The following SNX2 variants were observed in gnomAD, a reference collection of about 807,000 sequenced individuals.
SNX2 encodes the protein sorting nexin-2.
SNX2 carries 25 observed loss-of-function variants against 69.9 expected under a neutral mutation model. That is an observed-to-expected ratio of 0.36 (90% CI 0.26 to 0.50). The LOEUF is 0.50. Ranked by LOEUF, SNX2 falls within the 20% of genes least tolerant of loss-of-function variation. The pLI, the probability that SNX2 is intolerant of heterozygous loss-of-function variation, is 0.97. For synonymous variants in SNX2, 229 were observed against 200.4 expected (o/e 1.14, Z -1.20); for missense variants, 551 against 613.3 (o/e 0.90, Z 1.07).
rs568799234 is a variant in SNX2, at chr5:122,823,630, T to A, written c.1213-2420T>A. ...AATTTTTACTGAACAGAGGAATTTA[T>A]AAATGAAGAAAAGATATGGCCCTGT... On this transcript the variant is annotated intron_variant, in intron 11 of 14. Transcript: ENST00000379516. Among the ~76,000 whole-genome samples, 10 of 152,316 alleles carry A rather than the reference T, an allele frequency of 6.6e-5. No homozygotes were observed. The East Asian group carries it at 1.9e-3, about 29-fold the overall frequency.
intron 1 of SNX2, among the ~76,000 whole-genome samples, chr5:122,790,758 A>G (rs183936637): frequency 1.3e-5 from 2 of 152,320 alleles, no homozygotes; most frequent in Non-Finnish European, 2.9e-5. Context: ...GGTAAGAGAG[A>G]AGTAGGACTT....
At chr5:122,815,804 T>C (rs2150014031) in intron 7 of SNX2, 92 bp from the exon 8 acceptor site, 1 of 622,556 alleles carries the variant, frequency 1.6e-6, no homozygotes. Flanking sequence ...TGAGGACACT[T>C]TTTTTTCCTA....
chr5:122,816,877 A>C, intron 8 of SNX2, 38 bp from the exon 9 acceptor site: 1 of 1,261,428 alleles, frequency 7.9e-7, no homozygotes, highest in Non-Finnish European at 1.2e-6. Flanking sequence ...CCAGGCTTTT[A>C]ACCGGTTTGT....
At chr5:122,809,711 A>T (rs1007118687) in intron 7 of SNX2, among the ~76,000 whole-genome samples, 9 of 152,236 alleles carry the variant, frequency 5.9e-5, no homozygotes, top group Non-Finnish European at 1.3e-4. Flanking sequence ...ATTTTTTTTT[A>T]AACTATTTCA....
chr5:122,810,014 G>T (rs1753733653), intron 7 of SNX2, among the ~76,000 whole-genome samples: 2 of 151,916 alleles, frequency 1.3e-5, no homozygotes, highest in African/African-American at 4.8e-5. Context: ...GGTCTGTGTG[G>T]ATAGAAGTAG....
At chr5:122,785,853 T>C (rs924127589) in intron 1 of SNX2, among the ~76,000 whole-genome samples, 15 of 152,186 alleles carry the variant, frequency 9.9e-5, no homozygotes, top group Admixed American at 8.5e-4. Flanking sequence ...ATATATAGTC[T>C]GTTTTGTTGG....
At position 122,801,938 on chromosome 5, in the gene SNX2, G is replaced by A; in HGVS notation, c.457+3G>A. On this transcript the variant is annotated splice_donor_region_variant and intron_variant, in intron 4 of 14. Coordinates refer to ENST00000379516, the MANE Select transcript of SNX2 (RefSeq NM_003100.4). ...TGTATCAGATCCAGAAAAAGTTGGT[G>A]AGTCAATACTTATTATATTTTGTAT... 2 of 1,593,340 alleles carry A rather than the reference G, an allele frequency of 1.3e-6. No homozygotes were observed. Among genetic ancestry groups the A allele is most frequent in the South Asian group, 1.1e-5 (1 of 88,484 alleles).
At chr5:122,788,872 A>G (rs1467642181) in intron 1 of SNX2, among the ~76,000 whole-genome samples, 9 of 152,184 alleles carry the variant, frequency 5.9e-5, no homozygotes, top group Admixed American at 5.2e-4. Context: ...TGCTTTTAAA[A>G]GTTTTAAAAA....
intron 5 of SNX2, 44 bp from the exon 6 acceptor site, chr5:122,803,428 T>A (rs367719650): frequency 1.3e-6 from 2 of 1,562,136 alleles, no homozygotes; most frequent in Admixed American, 3.8e-5. Flanking sequence ...TGTGGAATAA[T>A]TGCTTGCTAT....
At chr5:122,797,593 A>G (rs10478567) in intron 2 of SNX2, among the ~76,000 whole-genome samples, 61,130 of 151,906 alleles carry the variant, frequency 0.4, 12,861 homozygotes, top group African/African-American at 0.49. Flanking sequence ...GGAGCAGCGT[A>G]TGTTACTGGG....
intron 7 of SNX2, among the ~76,000 whole-genome samples, chr5:122,811,845 AT>A (rs1753784533): frequency 1.3e-5 from 2 of 150,628 alleles, no homozygotes; most frequent in South Asian, 4.3e-4. Context: ...AAATAAATAA[AT>A]AAATAAATAA....
chr5:122,794,167 CG>C (rs1318612377), intron 1 of SNX2, among the ~76,000 whole-genome samples: 1 of 151,552 alleles, frequency 6.6e-6, no homozygotes, highest in African/African-American at 2.4e-5. Context: ...AAAAATTAGC[CG>C]GGCATGGTGG....
At chr5:122,803,360 T>C in intron 5 of SNX2, 112 bp from the exon 6 acceptor site, 2 of 985,964 alleles carry the variant, frequency 2.0e-6, no homozygotes, top group Non-Finnish European at 2.9e-6. Context: ...TTAGATACTC[T>C]GCATTCTTTT....
intron 1 of SNX2, among the ~76,000 whole-genome samples, chr5:122,789,452 C>CAT: frequency 8.5e-6 from 1 of 117,774 alleles, no homozygotes; most frequent in Non-Finnish European, 1.7e-5. Context: ...TACACACACA[C>CAT]ACACACACAC....
At chr5:122,782,036 G>T (rs1341364755) in intron 1 of SNX2, among the ~76,000 whole-genome samples, 1 of 152,080 alleles carries the variant, frequency 6.6e-6, no homozygotes, top group Non-Finnish European at 1.5e-5. Context: ...TAAAAATCTG[G>T]ATCTTCTCCT....
At chr5:122,825,971 A>G (rs1754139376) in intron 11 of SNX2, 79 bp from the exon 12 acceptor site, 2 of 1,305,338 alleles carry the variant, frequency 1.5e-6, no homozygotes, top group Non-Finnish European at 2.1e-6. Context: ...TATTGTTTTC[A>G]GTATTATAAC....
chr5:122,827,648 T>TAAGC lies in SNX2; in HGVS notation c.1509+3_1509+6dup, dbSNP rs902786339. 1 of 1,604,060 alleles carries TAAGC rather than the reference T, an allele frequency of 6.2e-7. No homozygotes were observed. The highest frequency in any genetic ancestry group is 1.3e-5 in the African/African-American group (1 of 74,686). On this transcript the variant is annotated splice_region_variant and intron_variant, in intron 14 of 14. Coordinates refer to ENST00000379516, the MANE Select transcript of SNX2 (RefSeq NM_003100.4). ...TCACTAGTTCAAACACAACAACAGGTAAGCCATTTTTGTTTATAACTTAAA... is the reference window on the plus strand; with the variant it reads ...TCACTAGTTCAAACACAACAACAGGTAAGCAAGCCATTTTTGTTTATAACTTAAA...
At chr5:122,813,648 G>A (rs1753830573) in intron 7 of SNX2, among the ~76,000 whole-genome samples, 1 of 151,546 alleles carries the variant, frequency 6.6e-6, no homozygotes. Flanking sequence ...TATGGAATCA[G>A]TCTTTTTCAT....
chr5:122,792,520 C>A (rs1267146066), intron 1 of SNX2, among the ~76,000 whole-genome samples: 1 of 151,580 alleles, frequency 6.6e-6, no homozygotes, highest in African/African-American at 2.4e-5. Context: ...TCGCTTGAAC[C>A]CGGGAGGTGG....
Sources: allele counts gnomAD v4.1 joint callset (sites outside exome capture counted in the v4.1 genomes callset), GRCh38; gene constraint gnomAD v4.1.1; transcripts MANE v1.5; gene names NCBI Gene and HGNC (gene_info 2026-07-23, HGNC 2026-07-21).